MOXD1: variants seen among roughly 807,000 people sequenced by gnomAD.
The protein encoded by MOXD1 is monooxygenase DBH like 1.
Under a neutral mutation model 66.6 loss-of-function variants are expected in MOXD1, and 62 were observed. The observed-to-expected ratio is 0.93, with a 90% CI of 0.76 to 1.15. The LOEUF is 1.15. Ranked by LOEUF, MOXD1 falls within the 50% of genes most tolerant of loss-of-function variation. The probability of loss-of-function intolerance (pLI) is 0.00; values close to 1 mark genes in which losing one functional copy is unlikely to be tolerated. For missense variants in MOXD1, 847 were observed against 754.6 expected (o/e 1.12, Z -1.44); for synonymous variants, 303 against 281.9 (o/e 1.07, Z -0.75).
At chr6:132,330,686 C>A (rs1775299160) in intron 4 of MOXD1, among the ~76,000 whole-genome samples, 1 of 152,200 alleles carries the variant, frequency 6.6e-6, no homozygotes, top group Non-Finnish European at 1.5e-5. Flanking sequence ...CAAATTCAGG[C>A]ACCGCATTTT....
chr6:132,357,375 T>C (rs902149583), intron 4 of MOXD1, among the ~76,000 whole-genome samples: 3 of 152,140 alleles, frequency 2.0e-5, no homozygotes, highest in Non-Finnish European at 2.9e-5. Flanking sequence ...ACCTTGTAAA[T>C]GTAATTCAAC....
intron 4 of MOXD1, among the ~76,000 whole-genome samples, chr6:132,349,489 A>G (rs372307896): frequency 0.056 from 4,793 of 85,474 alleles, 747 homozygotes; most frequent in African/African-American, 0.13. Context: ...ATACATATAT[A>G]TATATACCAC....
intron 10 of MOXD1, among the ~76,000 whole-genome samples, chr6:132,302,067 A>G (rs1774553105): frequency 6.6e-6 from 1 of 152,118 alleles, no homozygotes; most frequent in Non-Finnish European, 1.5e-5. Context: ...AATTTGTATA[A>G]GGATCCTCTG....
chr6:132,347,449 G>C (rs973279253), intron 4 of MOXD1, among the ~76,000 whole-genome samples: 1 of 152,198 alleles, frequency 6.6e-6, no homozygotes, highest in Admixed American at 6.5e-5. Context: ...GGCCGAGGCA[G>C]ACAGATCACT....
Position 132,401,226 on chromosome 6 carries a change from G to A in MOXD1, c.201C>T (p.Thr67=). The part of the protein sequence containing the change: ...AGYVGFGFSP[T]GAMASADIVV... ...CGATGTCGGCGGACGCCATGGCCCC[G>A]GTGGGCGAGAAGCCGAAGCCCACGT... Residue 67 remains threonine, a synonymous_variant, in exon 1 of 12, where the codon ACC becomes ACT. Transcript: ENST00000367963. The A allele has an allele frequency of 1.3e-6, 2 of 1,578,726 alleles. No individual in the cohort carries two copies. Among genetic ancestry groups the A allele is most frequent in the Non-Finnish European group, 1.7e-6 (2 of 1,170,486 alleles).
At chr6:132,310,290 A>G (rs1406510980) in intron 10 of MOXD1, among the ~76,000 whole-genome samples, 1 of 152,234 alleles carries the variant, frequency 6.6e-6, no homozygotes, top group African/African-American at 2.4e-5. Context: ...CAAAACCACA[A>G]AGAGATACCA....
intron 6 of MOXD1, 123 bp from the exon 7 acceptor site, chr6:132,324,220 C>T: frequency 2.1e-6 from 2 of 974,932 alleles, no homozygotes; most frequent in South Asian, 1.6e-5. Flanking sequence ...TATTTATTTT[C>T]CATAAACTGT....
intron 7 of MOXD1, among the ~76,000 whole-genome samples, chr6:132,323,088 G>A (rs527533280): frequency 6.6e-6 from 1 of 152,250 alleles, no homozygotes; most frequent in African/African-American, 2.4e-5. Context: ...CTTATAAGGG[G>A]CCTCCCAGAC....
chr6:132,314,275 C>A (rs761578366), intron 10 of MOXD1, among the ~76,000 whole-genome samples: 1 of 152,214 alleles, frequency 6.6e-6, no homozygotes, highest in Non-Finnish European at 1.5e-5. Flanking sequence ...AAAAAGTAAC[C>A]TGAATGGAAT....
At position 132,301,090 on chromosome 6, in the gene MOXD1, G is replaced by A. The variant is rs1289791144; in HGVS notation, c.1509-3135C>T. 3.3e-5 allele frequency among the ~76,000 whole-genome samples: 5 copies of A among 151,994 alleles called. No individual in the cohort carries two copies. In the East Asian group the frequency reaches 9.7e-4, roughly 29 times the overall value. Reference sequence around the variant, plus strand: ...AGTATTTCTGCTTTTACTGGGATTAGGGATTAGTTGGAAATAATTGGGAAT... The same window carrying A: ...AGTATTTCTGCTTTTACTGGGATTAAGGATTAGTTGGAAATAATTGGGAAT... On this transcript the variant is annotated intron_variant, in intron 10 of 11. Coordinates refer to ENST00000367963, the MANE Select transcript of MOXD1 (RefSeq NM_015529.4).
At chr6:132,331,437 G>T (rs751477113) in intron 4 of MOXD1, among the ~76,000 whole-genome samples, 1 of 152,070 alleles carries the variant, frequency 6.6e-6, no homozygotes, top group South Asian at 2.1e-4. Context: ...ATGCTGGGTG[G>T]TGCTTGACTT....
chr6:132,355,998 G>A (rs142695841), intron 4 of MOXD1, among the ~76,000 whole-genome samples: 21 of 152,296 alleles, frequency 1.4e-4, no homozygotes, highest in East Asian at 9.6e-4. Flanking sequence ...GAGCACTAGC[G>A]TTTCTGTCTA....
At chr6:132,333,376 C>CAGTATATTAA (rs11281162) in intron 4 of MOXD1, among the ~76,000 whole-genome samples, 2 of 148,686 alleles carry the variant, frequency 1.3e-5, no homozygotes, top group African/African-American at 5.0e-5. Flanking sequence ...TGTAATGTAT[C>CAGTATATTAA]AGAGTAGCAT....
At chr6:132,341,808 C>T (rs1402515635) in intron 4 of MOXD1, among the ~76,000 whole-genome samples, 1 of 152,152 alleles carries the variant, frequency 6.6e-6, no homozygotes, top group Non-Finnish European at 1.5e-5. Flanking sequence ...TCCCTGGATG[C>T]TTATGTGATT....
intron 8 of MOXD1, 128 bp downstream of exon 8, chr6:132,322,551 A>T: frequency 2.4e-6 from 2 of 831,270 alleles, no homozygotes; most frequent in African/African-American, 1.7e-5. Context: ...CAACACCCAC[A>T]GTGGGTGGTG....
chr6:132,311,123 GA>G lies in MOXD1; in HGVS notation c.1508+4511del, dbSNP rs1774821161. 4.6e-5 allele frequency among the ~76,000 whole-genome samples: 7 copies of G among 152,136 alleles called. No homozygotes were observed. The South Asian group carries it at 1.5e-3, about 32-fold the overall frequency. ...ATTCGTCCAGAGAGATCTCCCAAGG[GA>G]AAGAAATATGACCCTAAAATATCAT... On this transcript the variant is annotated intron_variant, in intron 10 of 11. Transcript: ENST00000367963.
intron 2 of MOXD1, 99 bp from the exon 3 acceptor site, chr6:132,373,096 G>A: frequency 8.6e-7 from 1 of 1,161,044 alleles, no homozygotes; most frequent in Non-Finnish European, 1.2e-6. Flanking sequence ...ATATAGAAGT[G>A]AAGAAAAGAC....
chr6:132,368,687 A>G (rs1776196378), intron 4 of MOXD1, among the ~76,000 whole-genome samples: 1 of 152,040 alleles, frequency 6.6e-6, no homozygotes, highest in Non-Finnish European at 1.5e-5. Context: ...TAAATTTTAA[A>G]TGTAATAAAT....
At chr6:132,327,867 T>C (rs552485478) in intron 6 of MOXD1, 146 bp downstream of exon 6, 2 of 613,698 alleles carry the variant, frequency 3.3e-6, no homozygotes, top group Non-Finnish European at 5.6e-6. Flanking sequence ...ACTTTCACTT[T>C]AAAAAGTATC....
Sources: gnomAD v4.1 joint callset for allele counts (sites outside exome capture counted in the v4.1 genomes callset) on GRCh38, gnomAD v4.1.1 for gene constraint, MANE v1.5 for transcripts, NCBI Gene and HGNC (gene_info 2026-07-23, HGNC 2026-07-21) for gene names.